The following MRPS33 variants were observed in gnomAD, a reference collection of about 807,000 sequenced individuals.
MRPS33 encodes the protein mitochondrial ribosomal protein S33.
In MRPS33, 11 loss-of-function variants were observed where a neutral mutation model predicts 11.2. That is an observed-to-expected ratio of 0.99 (90% CI 0.62 to 1.63). MRPS33 has a LOEUF of 1.63. Among genes scored for constraint, MRPS33 ranks in the 40% most tolerant of loss-of-function variants. The pLI is 0.00. For synonymous variants in MRPS33, 46 were observed against 44.0 expected (o/e 1.05, Z -0.18); for missense variants, 109 against 127.8 (o/e 0.85, Z 0.71).
chr7:141,006,219 G>T lies in MRPS33; in HGVS notation c.*211C>A. The T allele has an allele frequency of 1.8e-6, 1 of 560,770 alleles. No homozygotes were observed. Among genetic ancestry groups the T allele is most frequent in the Non-Finnish European group, 3.2e-6 (1 of 315,348 alleles). The allele number at this position is 560,770 out of a possible 1,614,324, so 34.7% of individuals were successfully genotyped here. On this transcript the variant is annotated 3_prime_UTR_variant, in exon 3 of 3. Coordinates refer to ENST00000324787, the MANE Select transcript of MRPS33 (RefSeq NM_053035.3). ...GAATCAGGTAAACCTCACATTACAC[G>T]GCCAAGGCCAAGATAATTTTGCACA...
chr7:141,007,223 G>A (rs1293547744), intron 2 of MRPS33, among the ~76,000 whole-genome samples: 1 of 152,134 alleles, frequency 6.6e-6, no homozygotes, highest in Non-Finnish European at 1.5e-5. Context: ...TGGATTCCAT[G>A]TGAACCTGGG....
rs768333687 is a variant in MRPS33, at chr7:141,006,489, GCTT to G, written c.259_261del (p.Lys87del). The G allele has an allele frequency of 1.1e-5, 17 of 1,613,858 alleles. No homozygotes were observed. The highest frequency in any genetic ancestry group is 1.4e-5 in the Non-Finnish European group (16 of 1,180,038). On this transcript the variant is annotated inframe_deletion, in exon 3 of 3. Transcript: ENST00000324787. ...TTCTTTGGTTTCTCCTTTCCACGAA[GCTT>G]CTTTAGTCGTTTTTGCTCATCCATA...
chr7:141,007,961 G>A (rs1009069015), intron 2 of MRPS33, among the ~76,000 whole-genome samples: 3 of 151,750 alleles, frequency 2.0e-5, no homozygotes, highest in Non-Finnish European at 4.4e-5. Context: ...CTCATCAACC[G>A]TTGGACAGAA....
intron 2 of MRPS33, 86 bp downstream of exon 2, chr7:141,010,333 T>TA: frequency 7.5e-7 from 1 of 1,331,526 alleles, no homozygotes; most frequent in Non-Finnish European, 1.0e-6. Flanking sequence ...AGAACAAAAC[T>TA]ACAAGGATAG....
At position 141,003,662 on chromosome 7, in the gene MRPS33, TTC is replaced by T. The variant is rs1331929613; in HGVS notation, c.*2766_*2767del. On this transcript the variant is annotated 3_prime_UTR_variant, in exon 3 of 3. Transcript: ENST00000324787. The stretch of plus-strand genomic sequence containing the variant: ...CTGCTGTTAGAATGTAATGCAGTTA[TTC>T]TCTTTAAAATATCATGCTAATTCTC... 3.9e-5 allele frequency: 6 copies of T among 152,210 alleles called. No individual in the cohort carries two copies. Among genetic ancestry groups the T allele is most frequent in the Non-Finnish European group, 7.3e-5 (5 of 68,038 alleles). 9.4% of individuals were successfully genotyped at this position (152,210 alleles called of 1,614,324 possible). A position where few individuals can be genotyped will look rare whatever the true frequency, so the allele number is the denominator to read the frequency against.
chr7:141,014,165 C>A (rs1158148569), intron 1 of MRPS33, among the ~76,000 whole-genome samples: 1 of 152,086 alleles, frequency 6.6e-6, no homozygotes, highest in Non-Finnish European at 1.5e-5. Flanking sequence ...GTTCTCTCAT[C>A]GACTACACGA....
chr7:141,002,776 T>C lies in MRPS33; in HGVS notation c.*3654A>G. ...GCCCATAATTACATAAATAATAAGATGTTACCTCTCATCTACCTCCTCTTC... is the reference window on the plus strand; with the variant it reads ...GCCCATAATTACATAAATAATAAGACGTTACCTCTCATCTACCTCCTCTTC... On this transcript the variant is annotated 3_prime_UTR_variant, in exon 3 of 3. Coordinates refer to ENST00000324787, the MANE Select transcript of MRPS33 (RefSeq NM_053035.3). 1 of 162,894 alleles carries C rather than the reference T, an allele frequency of 6.1e-6. No homozygotes were observed. Among genetic ancestry groups the C allele is most frequent in the Non-Finnish European group, 1.3e-5 (1 of 74,508 alleles). 10.1% of individuals were successfully genotyped at this position (162,894 alleles called of 1,614,324 possible).
chr7:141,013,613 C>G (rs1000112170), intron 1 of MRPS33, among the ~76,000 whole-genome samples: 10 of 152,152 alleles, frequency 6.6e-5, no homozygotes, highest in Admixed American at 3.9e-4. Flanking sequence ...TCACATGAAA[C>G]CATTCTCGGG....
chr7:141,007,621 C>G (rs763939537), intron 2 of MRPS33, among the ~76,000 whole-genome samples: 1 of 152,202 alleles, frequency 6.6e-6, no homozygotes, highest in Non-Finnish European at 1.5e-5. Context: ...CACACCCTCC[C>G]GGTACCTGCA....
intron 1 of MRPS33, among the ~76,000 whole-genome samples, chr7:141,011,681 A>T (rs1347087654): frequency 1.3e-5 from 2 of 152,086 alleles, no homozygotes; most frequent in Non-Finnish European, 2.9e-5. Context: ...AGCTGAGATG[A>T]AAAGGTGCTG....
rs1820524877 is a variant in MRPS33 at position 141,006,367 on chromosome 7, CAAT to C, written c.*60_*62del. On this transcript the variant is annotated 3_prime_UTR_variant, in exon 3 of 3. Transcript: ENST00000324787. ...GACATTCCTCCAATAGGTGGAAAGA[CAAT>C]AAATGCACTTTCTTCTCTCCGCCAC... The C allele has an allele frequency of 2.9e-6, 4 of 1,374,472 alleles. No individual in the cohort carries two copies. Among genetic ancestry groups the C allele is most frequent in the Non-Finnish European group, 4.1e-6 (4 of 974,820 alleles). 85.1% of individuals were successfully genotyped at this position (1,374,472 alleles called of 1,614,324 possible). A position where few individuals can be genotyped will look rare whatever the true frequency, so the allele number is the denominator to read the frequency against.
intron 2 of MRPS33, among the ~76,000 whole-genome samples, chr7:141,009,282 C>T (rs578009703): frequency 7.2e-5 from 11 of 151,794 alleles, no homozygotes; most frequent in Admixed American, 2.0e-4. Flanking sequence ...CAGGCGTGTG[C>T]CACCACGCCC....
intron 2 of MRPS33, among the ~76,000 whole-genome samples, chr7:141,007,244 G>A (rs1295401316): frequency 6.6e-6 from 1 of 152,022 alleles, no homozygotes; most frequent in African/African-American, 2.4e-5. Flanking sequence ...TTCAAATCAC[G>A]GCTCCACCAT....
intron 1 of MRPS33, among the ~76,000 whole-genome samples, chr7:141,010,907 C>G (rs556729286): frequency 6.6e-6 from 1 of 152,258 alleles, no homozygotes; most frequent in Admixed American, 6.5e-5. Flanking sequence ...TCCTTTGCAA[C>G]CAACTATTTT....
chr7:141,010,540 T>A lies in MRPS33; in HGVS notation c.94A>T (p.Lys32Ter). The A allele has an allele frequency of 6.2e-7, 1 of 1,614,192 alleles. No individual in the cohort carries two copies. Among genetic ancestry groups the A allele is most frequent in the South Asian group, 1.1e-5 (1 of 91,082 alleles). ...AGTTCACTAAACAGTTTCACCACTT[T>A]CATAGACTTGGAATTAGTAGGCCTG... ...VTRPTNSKSM[K>*]VVKLFSELPL... The change falls in exon 2 of 3, where the codon AAA (lysine) becomes TAA (stop). Residue 32 changes from lysine to a stop codon, truncating the protein, a stop_gained. Transcript: ENST00000324787. LOFTEE classifies it high-confidence loss of function.
chr7:141,011,673 C>T (rs1820676633), intron 1 of MRPS33, among the ~76,000 whole-genome samples: 1 of 151,880 alleles, frequency 6.6e-6, no homozygotes, highest in Admixed American at 6.6e-5. Context: ...AACAGTTCAG[C>T]TGAGATGAAA....
intron 2 of MRPS33, among the ~76,000 whole-genome samples, chr7:141,008,145 G>A (rs1327722153): frequency 6.6e-6 from 1 of 152,118 alleles, no homozygotes; most frequent in Non-Finnish European, 1.5e-5. Context: ...GCCACAGGAG[G>A]CCTAGCATTA....
intron 1 of MRPS33, among the ~76,000 whole-genome samples, chr7:141,013,061 GAAAA>G (rs1028182526): frequency 7.8e-6 from 1 of 128,640 alleles, no homozygotes; most frequent in Non-Finnish European, 1.7e-5. Flanking sequence ...TCATGTTTAA[GAAAA>G]AAAAAAAAAG....
chr7:141,002,641 A>AAAATG lies in MRPS33; in HGVS notation c.*3784_*3788dup. On this transcript the variant is annotated 3_prime_UTR_variant, in exon 3 of 3. Coordinates refer to ENST00000324787, the MANE Select transcript of MRPS33 (RefSeq NM_053035.3). ...CAAATTTTGATTTATTCTTTCTTGG[A>AAAATG]AAATGATTTATAAATACAAGCATTA... The AAAATG allele has an allele frequency of 3.9e-6, 1 of 256,872 alleles. No homozygotes were observed. The highest frequency in any genetic ancestry group is 4.9e-5 in the South Asian group (1 of 20,576). The allele number at this position is 256,872 out of a possible 1,614,324, so 15.9% of individuals were successfully genotyped here.
Sources: gnomAD v4.1 joint callset for allele counts (sites outside exome capture counted in the v4.1 genomes callset) on GRCh38, gnomAD v4.1.1 for gene constraint, MANE v1.5 for transcripts, NCBI Gene and HGNC (gene_info 2026-07-23, HGNC 2026-07-21) for gene names.